Variants in RPS6KA3 observed in about 807,000 individuals in gnomAD.
The protein encoded by RPS6KA3 is ribosomal protein S6 kinase A3, also known as ribosomal protein S6 kinase alpha-3.
In RPS6KA3, 4 loss-of-function variants were observed where a neutral mutation model predicts 67.2. The ratio of observed to expected loss-of-function variants is 0.06; its 90% confidence interval spans 0.03 to 0.14. RPS6KA3 has a LOEUF of 0.14. Ranked by LOEUF, RPS6KA3 falls within the 10% of genes least tolerant of loss-of-function variation. RPS6KA3 has a pLI of 1.00. For missense variants in RPS6KA3, 204 were observed against 559.0 expected (o/e 0.36, Z 6.40); for synonymous variants, 182 against 183.7 (o/e 0.99, Z 0.07).
intron 7 of RPS6KA3, among the ~76,000 whole-genome samples, chrX:20,193,016 G>A (rs1001937332): frequency 2.7e-5 from 3 of 112,104 alleles, no homozygotes; most frequent in South Asian, 3.7e-4. Flanking sequence ...GGTGGCTCAC[G>A]CCTGTAATCC....
intron 1 of RPS6KA3, among the ~76,000 whole-genome samples, chrX:20,249,214 C>T (rs1298895171): frequency 2.7e-5 from 3 of 111,960 alleles, no homozygotes; most frequent in Non-Finnish European, 3.8e-5. Context: ...TGACCATTTA[C>T]CCATTCAAGG....
rs951347560 is a variant in RPS6KA3 at position 20,187,960 on chromosome X, T to C, written c.642A>G (p.Leu214=). 7 of 1,205,547 alleles carry C rather than the reference T, an allele frequency of 5.8e-6. No homozygotes were observed. In the African/African-American group the frequency reaches 1.2e-4, roughly 21 times the overall value. The change falls in exon 9 of 22, where the codon CTA becomes CTG. Residue 214 remains leucine, a synonymous_variant. Coordinates refer to ENST00000379565, the MANE Select transcript of RPS6KA3 (RefSeq NM_004586.3). The part of the protein sequence containing the change: ...EGHIKLTDFG[L]SKESIDHEKK... ...TTTCATGGTCAATAGACTCTTTACT[T>C]AGGCCGAAATCTGCCAAAACAAATA...
At chrX:20,176,024 C>T (rs2067690543) in intron 13 of RPS6KA3, among the ~76,000 whole-genome samples, 1 of 110,932 alleles carries the variant, frequency 9.0e-6, no homozygotes, top group Non-Finnish European at 1.9e-5. Flanking sequence ...GCACATGCCA[C>T]CAAACCTGGC....
intron 20 of RPS6KA3, among the ~76,000 whole-genome samples, chrX:20,157,501 CA>C (rs1197154800): frequency 1.6e-3 from 80 of 49,906 alleles, no homozygotes; most frequent in Middle Eastern, 0.014. Flanking sequence ...GACCCTGTCT[CA>C]AAAAAAAAAA....
At chrX:20,210,051 A>C (rs1180368684) in intron 2 of RPS6KA3, among the ~76,000 whole-genome samples, 5 of 112,254 alleles carry the variant, frequency 4.5e-5, no homozygotes, top group Non-Finnish European at 3.8e-5. Context: ...TGGATGGATA[A>C]TCAGACATGG....
Position 20,234,833 on chromosome X carries a change from G to A in RPS6KA3, c.70-19C>T, listed in dbSNP as rs372554425. On this transcript the variant is annotated intron_variant, in intron 1 of 21. Transcript: ENST00000379565. ...GTCCATTCTGTGAAAAGCACAGCAAGCAGGAAGTTACCAAAACAGACCTCA... is the reference window on the plus strand; with the variant it reads ...GTCCATTCTGTGAAAAGCACAGCAAACAGGAAGTTACCAAAACAGACCTCA... 8.6e-7 allele frequency: 1 copy of A among 1,167,124 alleles called. No individual in the cohort carries two copies. The highest frequency in any genetic ancestry group is 1.2e-6 in the Non-Finnish European group (1 of 858,327).
In RPS6KA3 at chrX:20,266,789, G is replaced by T; in HGVS notation, c.-157C>A. ...CGGCAGCAGCAGCAGCAGCGGCGGC[G>T]GCCCCAGAGAGGGCTCGACGCCGAC... On this transcript the variant is annotated 5_prime_UTR_variant, in exon 1 of 22. Transcript: ENST00000379565. 1 of 352,034 alleles carries T rather than the reference G, an allele frequency of 2.8e-6. No homozygotes were observed. The highest frequency in any genetic ancestry group is 3.7e-6 in the Non-Finnish European group (1 of 273,168). 29.0% of individuals were successfully genotyped at this position (352,034 alleles called of 1,213,427 possible). A position where few individuals can be genotyped will look rare whatever the true frequency, so the allele number is the denominator to read the frequency against.
At chrX:20,262,208 TGAAC>T (rs1458065739) in intron 1 of RPS6KA3, among the ~76,000 whole-genome samples, 23 of 111,976 alleles carry the variant, frequency 2.1e-4, no homozygotes, top group Middle Eastern at 4.6e-3. Context: ...CCCTGAGCAT[TGAAC>T]TGTAGAGCAA....
chrX:20,201,614 T>C (rs1396923082), intron 4 of RPS6KA3, among the ~76,000 whole-genome samples: 1 of 111,478 alleles, frequency 9.0e-6, no homozygotes, highest in Non-Finnish European at 1.9e-5. Context: ...TGGAATTATA[T>C]TGCAAGAAAG....
chrX:20,229,842 T>C (rs918050130), intron 2 of RPS6KA3, among the ~76,000 whole-genome samples: 1 of 111,985 alleles, frequency 8.9e-6, no homozygotes. Flanking sequence ...ACATTGCTGG[T>C]AGTATCTTAG....
At chrX:20,211,479 C>G (rs1259982136) in intron 2 of RPS6KA3, among the ~76,000 whole-genome samples, 2 of 107,870 alleles carry the variant, frequency 1.9e-5, no homozygotes, top group Non-Finnish European at 3.8e-5. Context: ...TGTAACCGGT[C>G]TGTTAGCTCA....
chrX:20,240,487 A>G, intron 1 of RPS6KA3: 1 of 367,796 alleles, frequency 2.7e-6, no homozygotes, highest in East Asian at 2.0e-4. Flanking sequence ...TTCAGAATCC[A>G]AAGAATCTTC....
chrX:20,198,761 C>A (rs1326618561), intron 4 of RPS6KA3, among the ~76,000 whole-genome samples: 1 of 112,205 alleles, frequency 8.9e-6, no homozygotes, highest in Non-Finnish European at 1.9e-5. Context: ...AAACAGACTG[C>A]ATAAAGAAAC....
intron 1 of RPS6KA3, among the ~76,000 whole-genome samples, chrX:20,264,317 C>T (rs1347871256): frequency 2.7e-5 from 3 of 112,093 alleles, no homozygotes; most frequent in East Asian, 5.6e-4. Flanking sequence ...ACTGAAATAA[C>T]AAGGCTTTAC....
chrX:20,217,051 T>TCA lies in RPS6KA3; in HGVS notation c.127-7649_127-7648dup, dbSNP rs754302037. On this transcript the variant is annotated intron_variant, in intron 2 of 21. Transcript: ENST00000379565. ...CCCTGATGGATAAAACAAAGTCAGT[T>TCA]CAGTTGAAACATATACTTTTACAAT... is the stretch of plus-strand genomic sequence containing the variant. Among the ~76,000 whole-genome samples the TCA allele has an allele frequency of 2.4e-3, 264 of 112,140 alleles. 4 individuals carry two copies. Among genetic ancestry groups the TCA allele is most frequent in the African/African-American group, 8.2e-3 (253 of 30,923 alleles).
chrX:20,163,136 T>C, intron 18 of RPS6KA3, 96 bp from the exon 19 acceptor site: 1 of 586,417 alleles, frequency 1.7e-6, no homozygotes. Flanking sequence ...TCAACACCTA[T>C]AAGGAAAATT....
At chrX:20,228,587 A>C (rs1201955476) in intron 2 of RPS6KA3, among the ~76,000 whole-genome samples, 1 of 110,911 alleles carries the variant, frequency 9.0e-6, no homozygotes, top group Non-Finnish European at 1.9e-5. Context: ...CAGAGGAGAG[A>C]GGATCTAGAA....
chrX:20,212,713 T>C (rs2068747417), intron 2 of RPS6KA3, among the ~76,000 whole-genome samples: 1 of 110,181 alleles, frequency 9.1e-6, no homozygotes, highest in Non-Finnish European at 1.9e-5. Flanking sequence ...TACTCCAGCC[T>C]GGGCAGCAGA....
intron 7 of RPS6KA3, among the ~76,000 whole-genome samples, chrX:20,190,966 G>T (rs2068107262): frequency 9.2e-6 from 1 of 108,902 alleles, no homozygotes; most frequent in Non-Finnish European, 1.9e-5. Context: ...GGTTTGCTGC[G>T]CCCATTAACC....
Sources: allele counts gnomAD v4.1 joint callset (sites outside exome capture counted in the v4.1 genomes callset), GRCh38; gene constraint gnomAD v4.1.1; transcripts MANE v1.5; gene names NCBI Gene and HGNC (gene_info 2026-07-23, HGNC 2026-07-21).